The following ABL2 variants were observed in gnomAD, a reference collection of about 807,000 sequenced individuals.
ABL2 encodes the protein tyrosine-protein kinase ABL2.
In ABL2, 49 loss-of-function variants were observed where a neutral mutation model predicts 107.7. The ratio of observed to expected loss-of-function variants is 0.45; its 90% CI spans 0.36 to 0.58. ABL2 has a LOEUF of 0.58. Ranked by LOEUF, ABL2 falls within the 20% of genes least tolerant of loss-of-function variation. The probability of loss-of-function intolerance (pLI) is 0.00; values close to 1 mark genes in which losing one functional copy is unlikely to be tolerated. For synonymous variants in ABL2, 549 were observed against 548.6 expected, an observed-to-expected ratio of 1.00 and a Z score of -0.01; for missense variants, 1,245 against 1,457.0, an observed-to-expected ratio of 0.85 and a Z score of 2.37.
At chr1:179,120,662 G>T (rs1032001702) in intron 5 of ABL2, among the ~76,000 whole-genome samples, 1 of 151,958 alleles carries the variant, frequency 6.6e-6, no homozygotes, top group Non-Finnish European at 1.5e-5. Flanking sequence ...CAGGTGATTC[G>T]CCCACCTGAG....
At chr1:179,157,819 G>T (rs376428701) in intron 1 of ABL2, among the ~76,000 whole-genome samples, 1 of 151,354 alleles carries the variant, frequency 6.6e-6, no homozygotes, top group African/African-American at 2.4e-5. Context: ...ATCCTCCTGC[G>T]TCAGCCTCCC....
chr1:179,151,122 A>T (rs1658332888), intron 1 of ABL2, among the ~76,000 whole-genome samples: 1 of 152,174 alleles, frequency 6.6e-6, no homozygotes, highest in African/African-American at 2.4e-5. Context: ...TGTTTGACTC[A>T]TTTTATGGTG....
intron 1 of ABL2, among the ~76,000 whole-genome samples, chr1:179,188,861 A>C (rs1319580322): frequency 6.6e-6 from 1 of 152,254 alleles, no homozygotes. Flanking sequence ...AATAAATGTT[A>C]AAAGTATATT....
At chr1:179,132,521 T>C (rs989371724) in intron 2 of ABL2, among the ~76,000 whole-genome samples, 11 of 151,554 alleles carry the variant, frequency 7.3e-5, no homozygotes, top group South Asian at 6.2e-4. Flanking sequence ...CTTATGATTA[T>C]TATGATTATT....
rs17362338 is a variant in ABL2, at chr1:179,214,099, A to G, written c.157+15142T>C. ...TACATTAGCAATAAGCAATTAGGAA[A>G]GATTATACTTAACAACAAAAATCAT... On this transcript the variant is annotated intron_variant, in intron 1 of 11. Transcript: ENST00000502732. 2.4e-3 allele frequency among the ~76,000 whole-genome samples: 372 copies of G among 152,246 alleles called. 3 individuals carry two copies. Among genetic ancestry groups the G allele is most frequent in the East Asian group, 9.6e-3 (50 of 5,184 alleles).
chr1:179,175,562 G>A (rs1303043313), intron 1 of ABL2, among the ~76,000 whole-genome samples: 1 of 152,236 alleles, frequency 6.6e-6, no homozygotes, highest in African/African-American at 2.4e-5. Flanking sequence ...TTACCTAAAT[G>A]AAATAAATGA....
chr1:179,157,607 A>G (rs1162176406), intron 1 of ABL2, among the ~76,000 whole-genome samples: 1 of 152,154 alleles, frequency 6.6e-6, no homozygotes, highest in African/African-American at 2.4e-5. Flanking sequence ...AGGGATACTT[A>G]GCCTGTAATG....
intron 1 of ABL2, among the ~76,000 whole-genome samples, chr1:179,204,027 T>C (rs1164804483): frequency 6.6e-6 from 1 of 152,096 alleles, no homozygotes; most frequent in Non-Finnish European, 1.5e-5. Flanking sequence ...CATTTATTTA[T>C]TTATTTATTT....
At position 179,108,091 on chromosome 1, in the gene ABL2, G is replaced by A. The variant is rs768782792; in HGVS notation, c.3176C>T (p.Ala1059Val). 6.2e-6 allele frequency: 10 copies of A among 1,614,220 alleles called. No individual in the cohort carries two copies. In the Admixed American group the frequency reaches 6.7e-5, roughly 11 times the overall value. The change falls in exon 12 of 12, where the codon GCC becomes GTC. Residue 1059 changes from alanine to valine, a missense_variant. Physicochemically the swap from Ala to Val is moderately conservative, Grantham distance 64 (BLOSUM62 0). Around this residue, in one of 3 missense-constraint regions of ABL2, gnomAD observed 761 missense variants for 766.4 expected, o/e 0.99. Coordinates refer to ENST00000502732, the MANE Select transcript of ABL2 (RefSeq NM_007314.4). ...CACTTTAGTACCTGCTGTGCCATTGGCCATTTTGGCTGGCGAGATGGAAGA... is the reference window on the plus strand; with the variant it reads ...CACTTTAGTACCTGCTGTGCCATTGACCATTTTGGCTGGCGAGATGGAAGA... ...PTSSISPAKMANGTAGTKVAL... is the reference protein window; with the variant it reads ...PTSSISPAKMVNGTAGTKVAL...
At chr1:179,122,283 A>T (rs1655291424) in intron 4 of ABL2, among the ~76,000 whole-genome samples, 1 of 151,044 alleles carries the variant, frequency 6.6e-6, no homozygotes, top group South Asian at 2.1e-4. Flanking sequence ...CTTTAAAAAA[A>T]AAAAAAAAAA....
At position 179,114,622 on chromosome 1, in the gene ABL2, A is replaced by T. The variant is rs182701560; in HGVS notation, c.1561+256T>A. On this transcript the variant is annotated intron_variant, in intron 9 of 11. Coordinates refer to ENST00000502732, the MANE Select transcript of ABL2 (RefSeq NM_007314.4). ...CCTCCCCACCTTAATCTCTAAACTC[A>T]ATTTCTTATCTTATTAAATATGCAA... is the stretch of plus-strand genomic sequence containing the variant. Among the ~76,000 whole-genome samples the T allele has an allele frequency of 2.0e-5, 3 of 152,218 alleles. No individual in the cohort carries two copies. In the East Asian group the frequency reaches 5.8e-4, roughly 29 times the overall value.
At chr1:179,178,563 T>C (rs1235181451) in intron 1 of ABL2, among the ~76,000 whole-genome samples, 1 of 151,952 alleles carries the variant, frequency 6.6e-6, no homozygotes, top group Non-Finnish European at 1.5e-5. Context: ...AATAAAAACT[T>C]ATGGCAAAAG....
chr1:179,163,986 C>T (rs1206101399), intron 1 of ABL2, among the ~76,000 whole-genome samples: 1 of 152,144 alleles, frequency 6.6e-6, no homozygotes, highest in Non-Finnish European at 1.5e-5. Flanking sequence ...CTCTATGACA[C>T]TGCTGAAAGA....
intron 1 of ABL2, among the ~76,000 whole-genome samples, chr1:179,205,647 C>G (rs1661929781): frequency 1.3e-5 from 2 of 152,186 alleles, no homozygotes; most frequent in Admixed American, 6.5e-5. Flanking sequence ...AGACCCACCT[C>G]CTGATCCATA....
intron 1 of ABL2, among the ~76,000 whole-genome samples, chr1:179,161,356 GAA>G (rs58594632): frequency 2.4e-5 from 3 of 123,348 alleles, no homozygotes; most frequent in African/African-American, 3.1e-5. Flanking sequence ...TACCTCAAAA[GAA>G]AAAAAAAAAA....
intron 9 of ABL2, among the ~76,000 whole-genome samples, chr1:179,113,796 T>C (rs941382964): frequency 1.3e-5 from 2 of 152,052 alleles, no homozygotes; most frequent in African/African-American, 4.8e-5. Flanking sequence ...CCGGGCGTGG[T>C]GGCGGCCGGC....
At chr1:179,226,043 CAAAAAA>C (rs1194438803) in intron 1 of ABL2, among the ~76,000 whole-genome samples, 104 of 45,672 alleles carry the variant, frequency 2.3e-3, no homozygotes, top group African/African-American at 5.8e-3. Context: ...GACTCCGCCT[CAAAAAA>C]AAAAAAAAAA....
intron 1 of ABL2, among the ~76,000 whole-genome samples, chr1:179,156,733 GCT>G (rs759614015): frequency 9.4e-4 from 143 of 152,074 alleles, no homozygotes; most frequent in Non-Finnish European, 8.7e-4. Flanking sequence ...CAAAAAATTA[GCT>G]TGGCGTGGTG....
In ABL2 at chr1:179,107,331, A is replaced by G; in HGVS notation, c.*387T>C. The G allele has an allele frequency of 3.9e-6, 1 of 259,222 alleles. No individual in the cohort carries two copies. The highest frequency in any genetic ancestry group is 7.5e-6 in the Non-Finnish European group (1 of 133,160). 16.1% of individuals were successfully genotyped at this position (259,222 alleles called of 1,614,324 possible). A position where few individuals can be genotyped will look rare whatever the true frequency, so the allele number is the denominator to read the frequency against. On this transcript the variant is annotated 3_prime_UTR_variant, in exon 12 of 12. Transcript: ENST00000502732. ...TTAGGTAAATTGGAGCATAATCACC[A>G]TTAGTACCTACCAGAGCCCCAGGTC...
Sources: allele counts gnomAD v4.1 joint callset (sites outside exome capture counted in the v4.1 genomes callset), GRCh38; gene constraint gnomAD v4.1.1; regional missense constraint gnomAD v4.1.1; transcripts MANE v1.5; gene names NCBI Gene and HGNC (gene_info 2026-07-23, HGNC 2026-07-21).